Variants in ANKMY1 observed in about 807,000 individuals in gnomAD.
The protein encoded by ANKMY1 is ankyrin repeat and MYND domain-containing protein 1.
ANKMY1 carries 98 observed loss-of-function variants against 102.0 expected under a neutral mutation model. That is an observed-to-expected ratio of 0.96 (90% CI 0.82 to 1.14). The LOEUF is 1.14. Among genes scored for constraint, ANKMY1 ranks in the 50% most tolerant of loss-of-function variants. The pLI, the probability that ANKMY1 is intolerant of heterozygous loss-of-function variation, is 0.00. For missense variants in ANKMY1, 1,330 were observed against 1,347.6 expected (o/e 0.99, Z 0.20); for synonymous variants, 582 against 559.9 (o/e 1.04, Z -0.56).
intron 1 of ANKMY1, 124 bp from the exon 2 acceptor site, chr2:240,557,476 C>T (rs1197912944): frequency 1.4e-5 from 16 of 1,177,098 alleles, no homozygotes; most frequent in Admixed American, 3.5e-5. Context: ...TGAACCGCGC[C>T]GGAGCCTGGG....
At chr2:240,496,059 A>G (rs2151974533) in intron 15 of ANKMY1, among the ~76,000 whole-genome samples, 1 of 152,248 alleles carries the variant, frequency 6.6e-6, no homozygotes, top group South Asian at 2.1e-4. Context: ...CCACCCTCCA[A>G]CCAATTTCTT....
rs865954668 is a variant in ANKMY1, at chr2:240,549,242, C to A, written c.480+3672G>T. 4.2e-4 allele frequency among the ~76,000 whole-genome samples: 63 copies of A among 150,862 alleles called. 1 individual carries two copies. Among genetic ancestry groups the A allele is most frequent in the Middle Eastern group, 6.8e-3 (2 of 292 alleles). On this transcript the variant is annotated intron_variant, in intron 4 of 17. Transcript: ENST00000401804. ...TACAACTATCTGATCTTTGACAAACCTGAGAAAAACAAGCAATGGGGAAAG... is the reference window on the plus strand; with the variant it reads ...TACAACTATCTGATCTTTGACAAACATGAGAAAAACAAGCAATGGGGAAAG...
chr2:240,499,124 T>C lies in ANKMY1; in HGVS notation c.2806+834A>G, dbSNP rs981090970. 3.9e-5 allele frequency among the ~76,000 whole-genome samples: 6 copies of C among 152,022 alleles called. No homozygotes were observed. Among genetic ancestry groups the C allele is most frequent in the African/African-American group, 1.4e-4 (6 of 41,452 alleles). The stretch of plus-strand genomic sequence containing the variant: ...CCTGGGGTGTTGCTCAGTGGGGGAC[T>C]GTGTGAGGCTGCAGGAGGCTACTGC... On this transcript the variant is annotated intron_variant, in intron 15 of 17. Coordinates refer to ENST00000401804, the MANE Select transcript of ANKMY1 (RefSeq NM_001282771.3). The surrounding 1 kb of genome is among the most constrained non-coding windows in gnomAD (Gnocchi z 4.2).
intron 4 of ANKMY1, among the ~76,000 whole-genome samples, chr2:240,547,841 T>A (rs1358649506): frequency 1.3e-5 from 2 of 149,808 alleles, no homozygotes; most frequent in East Asian, 2.0e-4. Flanking sequence ...AATAGACCAA[T>A]AACAGGAGCT....
At chr2:240,549,210 G>A (rs1163898402) in intron 4 of ANKMY1, among the ~76,000 whole-genome samples, 34 of 149,106 alleles carry the variant, frequency 2.3e-4, no homozygotes, top group South Asian at 6.4e-4. Flanking sequence ...AAATAACGCC[G>A]CATATCTACA....
At chr2:240,502,724 C>A (rs2078403938) in intron 13 of ANKMY1, among the ~76,000 whole-genome samples, 1 of 152,002 alleles carries the variant, frequency 6.6e-6, no homozygotes, top group African/African-American at 2.4e-5. Context: ...CATTCACTCA[C>A]CAACGCTCTC....
rs542138078 is a variant in ANKMY1 at position 240,482,829 on chromosome 2, C to T, written c.2807-568G>A. Among the ~76,000 whole-genome samples, 3 of 152,314 alleles carry T rather than the reference C, an allele frequency of 2.0e-5. No individual in the cohort carries two copies. The East Asian group carries it at 5.8e-4, about 29-fold the overall frequency. ...GGTCTAATAGGCTTGTATGGTTCAACTTCCTGTTCCTTGGTGACCTTCTGC... is the reference window on the plus strand; with the variant it reads ...GGTCTAATAGGCTTGTATGGTTCAATTTCCTGTTCCTTGGTGACCTTCTGC... On this transcript the variant is annotated intron_variant, in intron 15 of 17. Transcript: ENST00000401804.
In ANKMY1 at chr2:240,525,706, T is replaced by C. The variant is rs1392712717; in HGVS notation, c.1314A>G (p.Glu438=). Residue 438 remains glutamate, a synonymous_variant, in exon 7 of 18, where the codon GAA becomes GAG. Coordinates refer to ENST00000401804, the MANE Select transcript of ANKMY1 (RefSeq NM_001282771.3). ...PAQSFKPNVA[E]RTIPEPQEPP... is the part of the protein sequence containing the mutation. Reference sequence around the variant, plus strand: ...TTACCTGGGGCTCAGGTATGGTCCGTTCAGCAACATTGGGCTTGAAGGACT... The same window carrying C: ...TTACCTGGGGCTCAGGTATGGTCCGCTCAGCAACATTGGGCTTGAAGGACT... 2 of 1,613,932 alleles carry C rather than the reference T, an allele frequency of 1.2e-6. No homozygotes were observed. The highest frequency in any genetic ancestry group is 2.7e-5 in the African/African-American group (2 of 74,900).
chr2:240,506,507 G>A lies in ANKMY1; in HGVS notation c.2526+1053C>T, dbSNP rs908708291. On this transcript the variant is annotated intron_variant, in intron 13 of 17. Coordinates refer to ENST00000401804, the MANE Select transcript of ANKMY1 (RefSeq NM_001282771.3). This position sits in a 1 kb window ranked among gnomAD's most constrained non-coding sequence, Gnocchi z 4.9. ...GGACAGGAGACTTAAAATCAGATCT[G>A]GAAACAGCATCTCAAGATAAGTCTC... Among the ~76,000 whole-genome samples the A allele has an allele frequency of 6.6e-6, 1 of 152,152 alleles. No individual in the cohort carries two copies. Among genetic ancestry groups the A allele is most frequent in the South Asian group, 2.1e-4 (1 of 4,826 alleles).
At chr2:240,477,460 C>T (rs1374845304), downstream of ANKMY1, among the ~76,000 whole-genome samples, 2 of 152,206 alleles carry the variant, frequency 1.3e-5, no homozygotes, top group Non-Finnish European at 2.9e-5. Context: ...ACAGTGGTGC[C>T]ATCACAGCTC....
rs2090395949 is a variant in ANKMY1 at position 240,546,473 on chromosome 2, T to A, written c.480+6441A>T. Among the ~76,000 whole-genome samples the A allele has an allele frequency of 2.0e-5, 3 of 152,092 alleles. No individual in the cohort carries two copies. In the South Asian group the frequency reaches 6.2e-4, roughly 32 times the overall value. ...TCAACTAACGAGCAAAATAACCAGC[T>A]AACATCATAATGACAGGATCAGATT... On this transcript the variant is annotated intron_variant, in intron 4 of 17. Transcript: ENST00000401804.
rs759600863 is a variant in ANKMY1, at chr2:240,525,844, G to GT, written c.1175dup (p.His392GlnfsTer23). Reference sequence around the variant, plus strand: ...GAAGGTTGACAATGTCGTTGTGGCAGTGAGTCTGGAGGGAGATGAGGCAGG... The same window carrying GT: ...GAAGGTTGACAATGTCGTTGTGGCAGTTGAGTCTGGAGGGAGATGAGGCAGG... On this transcript the variant is annotated frameshift_variant, in exon 7 of 18. Transcript: ENST00000401804. LOFTEE classifies it high-confidence loss of function. 6.2e-7 allele frequency: 1 copy of GT among 1,613,922 alleles called. No homozygotes were observed. The highest frequency in any genetic ancestry group is 8.5e-7 in the Non-Finnish European group (1 of 1,179,918).
chr2:240,554,918 A>G lies in ANKMY1; in HGVS notation c.284T>C (p.Phe95Ser), dbSNP rs2092116185. 1 of 1,613,858 alleles carries G rather than the reference A, an allele frequency of 6.2e-7. No individual in the cohort carries two copies. Among genetic ancestry groups the G allele is most frequent in the Admixed American group, 1.7e-5 (1 of 59,988 alleles). The change falls in exon 3 of 18, where the codon TTT (phenylalanine) becomes TCT (serine). Residue 95 changes from phenylalanine (F) to serine (S), a missense_variant. Transcript: ENST00000401804. Reference sequence around the variant, plus strand: ...ATATCCAAGCTTCATGTTCAACCCAAACTCCCCCTGGTACATGCAACCATC... The same window carrying G: ...ATATCCAAGCTTCATGTTCAACCCAGACTCCCCCTGGTACATGCAACCATC... ...WQDGCMYQGE[F>S]GLNMKLGYGK...
intron 16 of ANKMY1, 62 bp from the exon 17 acceptor site, chr2:240,481,159 C>T (rs922879410): frequency 1.4e-5 from 22 of 1,565,004 alleles, no homozygotes; most frequent in Middle Eastern, 3.4e-4. Context: ...CACAAACAGC[C>T]GCTGCCTGGG....
chr2:240,524,459 C>T, intron 7 of ANKMY1, 78 bp from the exon 8 acceptor site: 3 of 1,486,638 alleles, frequency 2.0e-6, no homozygotes, highest in Non-Finnish European at 1.8e-6. Context: ...TCAGCAAGGA[C>T]CAATGCCCGT....
At chr2:240,479,886 G>A (rs542378523) in intron 17 of ANKMY1, among the ~76,000 whole-genome samples, 1 of 152,226 alleles carries the variant, frequency 6.6e-6, no homozygotes, top group African/African-American at 2.4e-5. Flanking sequence ...ACAAGCCAAG[G>A]AGCTGCGACC....
At position 240,507,603 on chromosome 2, in the gene ANKMY1, A is replaced by G. The variant is rs772930819; in HGVS notation, c.2483T>C (p.Leu828Pro). ...LGSALCVACD[L>P]TYEHQRNMDS... ...CATGTTCCTCTGGTGCTCGTAGGTC[A>G]GGTCACAGGCAACACACAGGGCACT... Residue 828 changes from leucine (L) to proline (P), a missense_variant, in exon 13 of 18, where the codon CTG (leucine) becomes CCG (proline). Coordinates refer to ENST00000401804, the MANE Select transcript of ANKMY1 (RefSeq NM_001282771.3). The G allele has an allele frequency of 9.3e-6, 15 of 1,611,110 alleles. No homozygotes were observed. In the Admixed American group the frequency reaches 2.5e-4, roughly 27 times the overall value.
At position 240,499,208 on chromosome 2, in the gene ANKMY1, C is replaced by T. The variant is rs1406986147; in HGVS notation, c.2806+750G>A. On this transcript the variant is annotated intron_variant, in intron 15 of 17. Transcript: ENST00000401804. This position sits in a 1 kb window ranked among gnomAD's most constrained non-coding sequence, Gnocchi z 4.2. ...AGGTTCCGGTGTGTGTGTGCACACA[C>T]GTGTTAACACGTGACAGGTTTTTAT... 2.0e-5 allele frequency among the ~76,000 whole-genome samples: 3 copies of T among 151,856 alleles called. No homozygotes were observed. The highest frequency in any genetic ancestry group is 4.4e-5 in the Non-Finnish European group (3 of 67,962).
intron 4 of ANKMY1, among the ~76,000 whole-genome samples, chr2:240,530,399 T>C (rs1425846239): frequency 1.3e-5 from 2 of 152,110 alleles, no homozygotes; most frequent in East Asian, 3.9e-4. Context: ...GTGCCCTTGG[T>C]GCTGCCCTCC....
Sources: allele counts gnomAD v4.1 joint callset (sites outside exome capture counted in the v4.1 genomes callset), GRCh38; gene constraint gnomAD v4.1.1; non-coding constraint Gnocchi (gnomAD v3.1); transcripts MANE v1.5; gene names NCBI Gene and HGNC (gene_info 2026-07-23, HGNC 2026-07-21).